The following CREB5 variants were observed in gnomAD, a reference collection of about 807,000 sequenced individuals.
The protein encoded by CREB5 is cAMP responsive element binding protein 5.
Under a neutral mutation model 57.1 loss-of-function variants are expected in CREB5, and 19 were observed. The ratio of observed to expected loss-of-function variants is 0.33; its 90% CI spans 0.23 to 0.49. CREB5 has a LOEUF of 0.49. Among genes scored for constraint, CREB5 ranks in the 20% least tolerant of loss-of-function variants. The pLI, the probability that CREB5 is intolerant of heterozygous loss-of-function variation, is 0.99. For missense variants in CREB5, 579 were observed against 671.6 expected, an observed-to-expected ratio of 0.86 and a Z score of 1.52; for synonymous variants, 238 against 238.3, an observed-to-expected ratio of 1.00 and a Z score of 0.01.
intron 1 of CREB5, among the ~76,000 whole-genome samples, chr7:28,360,472 A>G (rs1786452210): frequency 6.6e-6 from 1 of 152,232 alleles, no homozygotes; most frequent in Non-Finnish European, 1.5e-5. Flanking sequence ...ACAGAAAGAC[A>G]AATACTACAT....
At chr7:28,719,585 A>G (rs1802900479) in intron 6 of CREB5, among the ~76,000 whole-genome samples, 1 of 152,166 alleles carries the variant, frequency 6.6e-6, no homozygotes, top group Admixed American at 6.5e-5. Context: ...CCCTCTCACA[A>G]CAAACCTGTG....
At chr7:28,421,206 T>C (rs572550481) in intron 1 of CREB5, among the ~76,000 whole-genome samples, 3 of 152,274 alleles carry the variant, frequency 2.0e-5, no homozygotes, top group Admixed American at 1.3e-4. Flanking sequence ...ACATACCCCA[T>C]AGCATAGCTT....
At chr7:28,340,822 G>A (rs1360538888) in intron 1 of CREB5, among the ~76,000 whole-genome samples, 1 of 152,148 alleles carries the variant, frequency 6.6e-6, no homozygotes, top group Non-Finnish European at 1.5e-5. Context: ...CCACTGGGAT[G>A]GGTGATTCCC....
At chr7:28,418,281 C>T (rs915104160) in intron 1 of CREB5, among the ~76,000 whole-genome samples, 28 of 152,180 alleles carry the variant, frequency 1.8e-4, no homozygotes, top group Non-Finnish European at 2.4e-4. Flanking sequence ...TTTCAATGCA[C>T]ATCAGAATGC....
intron 7 of CREB5, among the ~76,000 whole-genome samples, chr7:28,775,774 T>C (rs926510169): frequency 6.6e-6 from 1 of 152,098 alleles, no homozygotes; most frequent in African/African-American, 2.4e-5. Context: ...TCATTTGCTC[T>C]CATATAACTT....
intron 1 of CREB5, among the ~76,000 whole-genome samples, chr7:28,353,560 G>C (rs544459121): frequency 6.6e-6 from 1 of 152,012 alleles, no homozygotes; most frequent in Non-Finnish European, 1.5e-5. Flanking sequence ...ATGGGAGAAC[G>C]GGTCCAGGCG....
chr7:28,542,510 G>A (rs902169688), intron 4 of CREB5, among the ~76,000 whole-genome samples: 2 of 152,170 alleles, frequency 1.3e-5, no homozygotes, highest in African/African-American at 4.8e-5. Context: ...AAGAGACAGA[G>A]TGGAAAATGT....
chr7:28,560,884 G>A (rs1583629555), intron 4 of CREB5, among the ~76,000 whole-genome samples: 1 of 34,856 alleles, frequency 2.9e-5, no homozygotes. Context: ...GCGTGCGTGC[G>A]TGCGTGTGTG....
chr7:28,691,419 CCAAAAA>C (rs1801251119), intron 5 of CREB5, among the ~76,000 whole-genome samples: 1 of 91,996 alleles, frequency 1.1e-5, no homozygotes, highest in Admixed American at 1.1e-4. Flanking sequence ...GACTCTGTCT[CCAAAAA>C]AAAAAAAAAA....
rs77715062 is a variant in CREB5 at position 28,617,731 on chromosome 7, A to G, written c.464+47194A>G. ...AGGAGATGTTATGAAACAACCTTAA[A>G]GAATAATAGAGGGGGAAAAAGAGCA... On this transcript the variant is annotated intron_variant, in intron 5 of 10. Transcript: ENST00000357727. Among the ~76,000 whole-genome samples, 3,108 of 152,342 alleles carry G rather than the reference A, an allele frequency of 0.02. 278 individuals are homozygous for G. In the East Asian group the frequency reaches 0.31, roughly 15 times the overall value.
At chr7:28,696,444 ATT>A (rs777700453) in intron 5 of CREB5, among the ~76,000 whole-genome samples, 21 of 152,216 alleles carry the variant, frequency 1.4e-4, no homozygotes, top group Admixed American at 2.6e-4. Context: ...TGAGCTGTGT[ATT>A]TAAGCTCCCT....
chr7:28,312,015 T>C (rs1429092359), intron 1 of CREB5, among the ~76,000 whole-genome samples: 3 of 152,204 alleles, frequency 2.0e-5, no homozygotes, highest in Non-Finnish European at 4.4e-5. Context: ...TCCTGTGTTC[T>C]GCACCCTTTT....
chr7:28,763,475 A>G lies in CREB5; in HGVS notation c.702+39143A>G, dbSNP rs568594949. Among the ~76,000 whole-genome samples the G allele has an allele frequency of 1.6e-4, 25 of 152,306 alleles. No homozygotes were observed. In the East Asian group the frequency reaches 4.8e-3, roughly 29 times the overall value. ...GCTTGTTGCTTTAATACTGTCAAGCAACTTGTGAAGGTCCCCATGCAGTTA... is the reference window on the plus strand; with the variant it reads ...GCTTGTTGCTTTAATACTGTCAAGCGACTTGTGAAGGTCCCCATGCAGTTA... On this transcript the variant is annotated intron_variant, in intron 7 of 10. Transcript: ENST00000357727.
chr7:28,554,563 T>C (rs1006965946), intron 4 of CREB5, among the ~76,000 whole-genome samples: 1 of 152,234 alleles, frequency 6.6e-6, no homozygotes, highest in African/African-American at 2.4e-5. Flanking sequence ...ATCTGCTTTT[T>C]TCTTTTCATT....
At chr7:28,441,295 G>A (rs540334076) in intron 1 of CREB5, among the ~76,000 whole-genome samples, 17 of 152,286 alleles carry the variant, frequency 1.1e-4, no homozygotes, top group Non-Finnish European at 2.1e-4. Flanking sequence ...TCCAGCTCCT[G>A]GTAATGTGTG....
intron 6 of CREB5, among the ~76,000 whole-genome samples, chr7:28,719,586 C>T (rs1397684119): frequency 6.6e-6 from 1 of 152,194 alleles, no homozygotes; most frequent in Non-Finnish European, 1.5e-5. Context: ...CCTCTCACAA[C>T]AAACCTGTGA....
intron 1 of CREB5, among the ~76,000 whole-genome samples, chr7:28,358,203 C>T (rs721978): frequency 0.67 from 102,274 of 152,052 alleles, 35,004 homozygotes; most frequent in South Asian, 0.76. Context: ...AAATATGCTC[C>T]GCTGACCTCA....
At chr7:28,431,027 G>T (rs898025566) in intron 1 of CREB5, among the ~76,000 whole-genome samples, 4 of 152,172 alleles carry the variant, frequency 2.6e-5, no homozygotes, top group African/African-American at 9.7e-5. Flanking sequence ...TGAGACATTA[G>T]TTCCTTACTA....
chr7:28,454,121 T>C lies in CREB5; in HGVS notation c.4-34054T>C, dbSNP rs56121522. ...GGCACTCGCCACCACACCTGGCTAA[T>C]TTTTTGTATTTTTAGAAGAGACGGG... On this transcript the variant is annotated intron_variant, in intron 1 of 10. Coordinates refer to ENST00000357727, the MANE Select transcript of CREB5 (RefSeq NM_182898.4). 6.3e-3 allele frequency among the ~76,000 whole-genome samples: 964 copies of C among 152,164 alleles called. 5 individuals are homozygous for C. Among genetic ancestry groups the C allele is most frequent in the Non-Finnish European group, 0.01 (706 of 68,000 alleles).
Sources: allele counts gnomAD v4.1 joint callset (sites outside exome capture counted in the v4.1 genomes callset), GRCh38; gene constraint gnomAD v4.1.1; transcripts MANE v1.5; gene names NCBI Gene and HGNC (gene_info 2026-07-23, HGNC 2026-07-21).